The following KLC1 variants were observed in gnomAD, a reference collection of about 807,000 sequenced individuals.
The protein encoded by KLC1 is kinesin light chain 1, also known as kinesin 2 60/70kDa.
Under a neutral mutation model 84.2 loss-of-function variants are expected in KLC1, and 30 were observed. The ratio of observed to expected loss-of-function variants is 0.36; its 90% CI spans 0.27 to 0.48. KLC1 has a LOEUF of 0.48. KLC1 is among the 20% of genes least tolerant of loss of function. The pLI is 0.99. For missense variants in KLC1, 499 were observed against 805.4 expected, an observed-to-expected ratio of 0.62 and a Z score of 4.60; for synonymous variants, 289 against 293.3, an observed-to-expected ratio of 0.99 and a Z score of 0.15.
chr14:103,683,865 T>A (rs2081566923), intron 13 of KLC1: 2 of 152,260 alleles, frequency 1.3e-5, no homozygotes, highest in Non-Finnish European at 2.9e-5. Flanking sequence ...TAGAAATAGA[T>A]GAATTTTTAT....
At chr14:103,668,700 C>T (rs1199848781) in intron 5 of KLC1, among the ~76,000 whole-genome samples, 1 of 152,052 alleles carries the variant, frequency 6.6e-6, no homozygotes, top group African/African-American at 2.4e-5. Flanking sequence ...AGGATGGTCT[C>T]GATCTTCTGA....
intron 6 of KLC1, 103 bp from the exon 7 acceptor site, chr14:103,670,079 A>G: frequency 2.6e-6 from 2 of 768,796 alleles, no homozygotes; most frequent in Non-Finnish European, 4.3e-6. Flanking sequence ...CCGACTAAGA[A>G]TGCTTTACTG....
At chr14:103,673,309 AT>A in intron 8 of KLC1, 22 bp from the exon 9 acceptor site, 3 of 1,536,922 alleles carry the variant, frequency 2.0e-6, no homozygotes, top group Non-Finnish European at 2.6e-6. Flanking sequence ...GATATGAAAT[AT>A]TTTATTTTAT....
intron 3 of KLC1, among the ~76,000 whole-genome samples, chr14:103,660,219 G>T (rs548291330): frequency 6.6e-6 from 1 of 152,286 alleles, no homozygotes; most frequent in South Asian, 2.1e-4. Flanking sequence ...AGTGGCTCAT[G>T]CCTGTAATCC....
chr14:103,679,525 A>C lies in KLC1; in HGVS notation c.1630A>C (p.Met544Leu), dbSNP rs1470827989. Residue 544 changes from methionine to leucine, a missense_variant, in exon 13 of 17, where the codon ATG becomes CTG. Physicochemically the swap from Met to Leu is conservative, Grantham distance 15. This residue lies in a region of KLC1 where 167 missense variants were observed against 208.8 expected (regional missense o/e 0.80). Coordinates refer to ENST00000334553, the MANE Select transcript of KLC1 (RefSeq NM_001394837.1). ...CCCTGACGGAGGGGAGGAAGTGAGTATGAGCGTAGAGTGGAACGGGGTAAG... is the reference window on the plus strand; with the variant it reads ...CCCTGACGGAGGGGAGGAAGTGAGTCTGAGCGTAGAGTGGAACGGGGTAAG... ...SGPDGGEEVS[M>L]SVEWNGDGTG... 6.2e-7 allele frequency: 1 copy of C among 1,613,818 alleles called. No homozygotes were observed. The highest frequency in any genetic ancestry group is 8.5e-7 in the Non-Finnish European group (1 of 1,179,848).
intron 2 of KLC1, 160 bp downstream of exon 2, chr14:103,654,985 G>C (rs1567017679): frequency 4.0e-6 from 3 of 756,844 alleles, no homozygotes; most frequent in Non-Finnish European, 6.1e-6. Flanking sequence ...CAAGCACTTT[G>C]GGAGGCTGAG....
At chr14:103,636,295 C>T (rs747632161) in intron 1 of KLC1, among the ~76,000 whole-genome samples, 30 of 152,220 alleles carry the variant, frequency 2.0e-4, no homozygotes, top group Non-Finnish European at 4.1e-4. Flanking sequence ...GATCTCAGCT[C>T]ACTGCAACCT....
intron 13 of KLC1, chr14:103,685,240 T>TA: frequency 7.1e-7 from 1 of 1,405,224 alleles, no homozygotes; most frequent in Non-Finnish European, 9.2e-7. Context: ...AAATGTGTTT[T>TA]TAAGAGAATG....
chr14:103,643,129 C>G (rs557629999), intron 1 of KLC1, among the ~76,000 whole-genome samples: 1 of 152,138 alleles, frequency 6.6e-6, no homozygotes, highest in Non-Finnish European at 1.5e-5. Context: ...AAACAAATAT[C>G]TGTAAGTCCA....
At chr14:103,639,296 A>G (rs1398649749) in intron 1 of KLC1, among the ~76,000 whole-genome samples, 2 of 151,578 alleles carry the variant, frequency 1.3e-5, no homozygotes, top group South Asian at 2.1e-4. Flanking sequence ...ACGCCTAGCT[A>G]ATTTTTATAT....
intron 13 of KLC1, chr14:103,683,308 C>T (rs910889882): frequency 2.0e-5 from 3 of 152,196 alleles, no homozygotes; most frequent in African/African-American, 7.2e-5. Context: ...ACGGTAGGGA[C>T]TATGATTAAA....
intron 15 of KLC1, chr14:103,699,532 C>G (rs748230682): frequency 4.3e-6 from 7 of 1,613,550 alleles, no homozygotes; most frequent in Non-Finnish European, 5.1e-6. Flanking sequence ...TGCCCCGAGA[C>G]AGCAGTACGG....
At chr14:103,638,932 G>C (rs554188055) in intron 1 of KLC1, among the ~76,000 whole-genome samples, 1 of 151,976 alleles carries the variant, frequency 6.6e-6, no homozygotes, top group Non-Finnish European at 1.5e-5. Flanking sequence ...CATGCAGAGT[G>C]GTAGGGTTCC....
chr14:103,660,380 C>A (rs1192679222), intron 3 of KLC1, among the ~76,000 whole-genome samples: 2 of 151,738 alleles, frequency 1.3e-5, no homozygotes, highest in African/African-American at 4.8e-5. Context: ...ACTCAGGAGG[C>A]TGAGGCAGGA....
Position 103,694,108 on chromosome 14 carries a change from T to A in KLC1, c.1848+1683T>A. The A allele has an allele frequency of 1.0e-6, 1 of 980,462 alleles. No individual in the cohort carries two copies. 60.7% of individuals were successfully genotyped at this position (980,462 alleles called of 1,614,324 possible). On this transcript the variant is annotated intron_variant, in intron 15 of 16. Coordinates refer to ENST00000334553, the MANE Select transcript of KLC1 (RefSeq NM_001394837.1). The surrounding 1 kb of genome is among the most constrained non-coding windows in gnomAD (Gnocchi z 4.5). ...TTAGCGGACACTGGTCAGTGGGAAG[T>A]GAATTCCTTCCCAGCTGGAGCATCT...
chr14:103,680,782 TAGA>T (rs1407923329), intron 13 of KLC1, among the ~76,000 whole-genome samples: 1 of 152,222 alleles, frequency 6.6e-6, no homozygotes, highest in Non-Finnish European at 1.5e-5. Flanking sequence ...ATGCTTCGTA[TAGA>T]AGGACAAGTC....
chr14:103,673,005 T>C lies in KLC1; in HGVS notation c.988-9T>C, dbSNP rs117937559. ...CAAGTGTCTCTAATATGCTGTTTTT[T>C]ATTTTCAGGTTTTGGGGAAGGATCA... On this transcript the variant is annotated splice_polypyrimidine_tract_variant and intron_variant, in intron 7 of 16. Coordinates refer to ENST00000334553, the MANE Select transcript of KLC1 (RefSeq NM_001394837.1). 0.01 allele frequency: 16,511 copies of C among 1,613,658 alleles called. 129 individuals are homozygous for C. The highest frequency in any genetic ancestry group is 0.012 in the Middle Eastern group (74 of 6,056).
intron 1 of KLC1, among the ~76,000 whole-genome samples, chr14:103,647,556 T>C (rs772947122): frequency 2.0e-5 from 3 of 152,006 alleles, no homozygotes; most frequent in South Asian, 2.1e-4. Flanking sequence ...TTGTTTCTTA[T>C]ATTTCCAAAA....
intron 7 of KLC1, 25 bp from the exon 8 acceptor site, chr14:103,672,989 C>G (rs1446558186): frequency 1.9e-6 from 3 of 1,610,202 alleles, no homozygotes; most frequent in Non-Finnish European, 2.5e-6. Flanking sequence ...ACAAGTGTCT[C>G]TAATATGCTG....
Sources: allele counts gnomAD v4.1 joint callset (sites outside exome capture counted in the v4.1 genomes callset), GRCh38; gene constraint gnomAD v4.1.1; regional missense constraint gnomAD v4.1.1; non-coding constraint Gnocchi (gnomAD v3.1); transcripts MANE v1.5; gene names NCBI Gene and HGNC (gene_info 2026-07-23, HGNC 2026-07-21).